Variants in DOCK7 observed in about 807,000 individuals in gnomAD.
The protein encoded by DOCK7 is dedicator of cytokinesis protein 7.
A neutral mutation model predicts 271.0 loss-of-function variants in DOCK7; 138 were observed. That is an observed-to-expected ratio of 0.51 (90% confidence interval 0.44 to 0.59). The LOEUF (loss-of-function observed/expected upper bound fraction) is 0.59. DOCK7 is among the 20% of genes least tolerant of loss of function. The pLI is 0.00. For missense variants in DOCK7, 2,066 were observed against 2,592.4 expected (o/e 0.80, Z 4.41); for synonymous variants, 823 against 876.1 (o/e 0.94, Z 1.07).
rs1222305930 is a variant in DOCK7 at position 62,476,147 on chromosome 1, CG to C, written c.5643del (p.Tyr1881Ter). 6.2e-7 allele frequency: 1 copy of C among 1,611,140 alleles called. No individual in the cohort carries two copies. Among genetic ancestry groups the C allele is most frequent in the Non-Finnish European group, 8.5e-7 (1 of 1,178,878 alleles). ...ACCACATCCTCTCCAAATCTTTCTC[CG>C]TAAAATCCCTACAATAAAGAAAAAG... Reference protein sequence around the residue: ...AEISHRLEGFYGERFGEDVVE... With the variant: ...AEISHRLEGFXGERFGEDVVE... On this transcript the variant is annotated frameshift_variant, in exon 45 of 50. Transcript: ENST00000635253. LOFTEE classifies it high-confidence loss of function.
At chr1:62,663,697 T>C (rs1474895486) in intron 1 of DOCK7, among the ~76,000 whole-genome samples, 1 of 152,194 alleles carries the variant, frequency 6.6e-6, no homozygotes, top group East Asian at 1.9e-4. Context: ...TTTCTCCTGC[T>C]TCTCTTCAAT....
chr1:62,634,739 C>T (rs1655045403), intron 9 of DOCK7, 34 bp downstream of exon 9: 2 of 1,586,822 alleles, frequency 1.3e-6, no homozygotes, highest in Admixed American at 1.8e-5. Context: ...ACAGACACTA[C>T]AAAATAAACA....
At chr1:62,604,293 T>A (rs1208622859) in intron 14 of DOCK7, 52 of 1,588,120 alleles carry the variant, frequency 3.3e-5, no homozygotes, top group Non-Finnish European at 4.2e-5. Flanking sequence ...CTTCCCACAT[T>A]ATTAGCTATT....
chr1:62,538,478 A>C lies in DOCK7; in HGVS notation c.3301-417T>G, dbSNP rs115254218. On this transcript the variant is annotated intron_variant, in intron 27 of 49. Coordinates refer to ENST00000635253, the MANE Select transcript of DOCK7 (RefSeq NM_001367561.1). Reference sequence around the variant, plus strand: ...CATCATAAGCTACTTGAGGAGACATACTATAAACTGATTTAACAGCTTTAG... The same window carrying C: ...CATCATAAGCTACTTGAGGAGACATCCTATAAACTGATTTAACAGCTTTAG... Among the ~76,000 whole-genome samples, 694 of 152,328 alleles carry C rather than the reference A, an allele frequency of 4.6e-3. 6 individuals carry two copies. The highest frequency in any genetic ancestry group is 0.016 in the African/African-American group (671 of 41,580).
At chr1:62,682,075 A>C (rs1005313244) in intron 1 of DOCK7, among the ~76,000 whole-genome samples, 4 of 152,174 alleles carry the variant, frequency 2.6e-5, no homozygotes, top group African/African-American at 9.7e-5. Context: ...GAACAGTTAC[A>C]GAGATGGAAA....
At chr1:62,529,675 T>C (rs1212902393) in intron 29 of DOCK7, among the ~76,000 whole-genome samples, 1 of 152,238 alleles carries the variant, frequency 6.6e-6, no homozygotes, top group African/African-American at 2.4e-5. Context: ...GGAAATGCTA[T>C]ACAAATTCAC....
In DOCK7 at chr1:62,455,304, A is replaced by G. The variant is rs577395735; in HGVS notation, c.*110T>C. 37 of 1,194,678 alleles carry G rather than the reference A, an allele frequency of 3.1e-5. No homozygotes were observed. In the African/African-American group the frequency reaches 3.6e-4, roughly 12 times the overall value. 74.0% of individuals were successfully genotyped at this position (1,194,678 alleles called of 1,614,324 possible). A position where few individuals can be genotyped will look rare whatever the true frequency, so the allele number is the denominator to read the frequency against. On this transcript the variant is annotated 3_prime_UTR_variant, in exon 50 of 50. Transcript: ENST00000635253. ...ATTTTCTTGGCCACTGCATTCTTCA[A>G]TGAATAATAATTTCCAGAATTCCAT...
At chr1:62,678,645 C>T (rs1660785735) in intron 1 of DOCK7, among the ~76,000 whole-genome samples, 1 of 151,988 alleles carries the variant, frequency 6.6e-6, no homozygotes, top group African/African-American at 2.4e-5. Flanking sequence ...TTTGTTTTGT[C>T]TTTGGTAGAT....
At position 62,639,122 on chromosome 1, in the gene DOCK7, T is replaced by C. The variant is rs574300041; in HGVS notation, c.819-2519A>G. 2.6e-4 allele frequency among the ~76,000 whole-genome samples: 39 copies of C among 152,264 alleles called. No individual in the cohort carries two copies. In the South Asian group the frequency reaches 7.1e-3, roughly 28 times the overall value. Reference sequence around the variant, plus strand: ...CCAATACTATACCATCTTAATTACATAGTTTCATACTAGTCTTGATATCTG... The same window carrying C: ...CCAATACTATACCATCTTAATTACACAGTTTCATACTAGTCTTGATATCTG... On this transcript the variant is annotated intron_variant, in intron 7 of 49. Transcript: ENST00000635253.
chr1:62,562,494 C>T (rs1397303059), intron 18 of DOCK7, among the ~76,000 whole-genome samples: 3 of 151,942 alleles, frequency 2.0e-5, no homozygotes, highest in Non-Finnish European at 4.4e-5. Context: ...GGATTACAAG[C>T]GTAAGCCACC....
At chr1:62,667,976 T>C (rs1288652231) in intron 1 of DOCK7, among the ~76,000 whole-genome samples, 1 of 151,928 alleles carries the variant, frequency 6.6e-6, no homozygotes, top group East Asian at 1.9e-4. Context: ...GCCGAGATCA[T>C]GCCACTACAC....
At position 62,632,187 on chromosome 1, in the gene DOCK7, C is replaced by T. The variant is rs75704740; in HGVS notation, c.1117-782G>A. ...GACTCAGGGCTAGAAAAAGATGAAA[C>T]GATAACTAAATGATAGCACTATTAC... On this transcript the variant is annotated intron_variant, in intron 10 of 49. Coordinates refer to ENST00000635253, the MANE Select transcript of DOCK7 (RefSeq NM_001367561.1). Among the ~76,000 whole-genome samples, 1,067 of 152,184 alleles carry T rather than the reference C, an allele frequency of 7.0e-3. 12 individuals are homozygous for T. The highest frequency in any genetic ancestry group is 0.024 in the African/African-American group (1,014 of 41,522).
Position 62,513,520 on chromosome 1 carries a change from C to A in DOCK7, c.4206G>T (p.Gly1402=). The A allele has an allele frequency of 1.9e-6, 3 of 1,614,110 alleles. No homozygotes were observed. The highest frequency in any genetic ancestry group is 2.5e-6 in the Non-Finnish European group (3 of 1,179,998). The change falls in exon 33 of 50, where the codon GGG becomes GGT. Residue 1402 remains glycine, a synonymous_variant. Transcript: ENST00000635253. Reference sequence around the variant, plus strand: ...CCATTTCTTGCCTGGCACCTATGCTCCCAAGAATAGCTTCTTCAAGCTTTG... The same window carrying A: ...CCATTTCTTGCCTGGCACCTATGCTACCAAGAATAGCTTCTTCAAGCTTTG... ...MRAKLEEAIL[G]SIGARQEMVR...
In DOCK7 at chr1:62,679,981, C is replaced by A. The variant is rs61778362; in HGVS notation, c.38+8246G>T. Among the ~76,000 whole-genome samples, 275 of 152,288 alleles carry A rather than the reference C, an allele frequency of 1.8e-3. 1 individual carries two copies. The highest frequency in any genetic ancestry group is 3.2e-3 in the Non-Finnish European group (221 of 68,026). On this transcript the variant is annotated intron_variant, in intron 1 of 49. Coordinates refer to ENST00000635253, the MANE Select transcript of DOCK7 (RefSeq NM_001367561.1). ...TACTGCCCAAGGTAATTTATAGATT[C>A]AATGCCATCCCCATCAAGCTACCAA...
At chr1:62,460,098 CAAAAAAAAAA>C (rs71053316) in intron 48 of DOCK7, among the ~76,000 whole-genome samples, 1 of 66,022 alleles carries the variant, frequency 1.5e-5, no homozygotes, top group African/African-American at 6.2e-5. Flanking sequence ...AGACTCGTCT[CAAAAAAAAAA>C]AAAAAAAAAA....
In DOCK7 at chr1:62,513,743, A is replaced by T. The variant is rs751271623; in HGVS notation, c.4092T>A (p.Tyr1364Ter). The change falls in exon 32 of 50, where the codon TAT (tyrosine) becomes TAA (stop). Residue 1364 changes from tyrosine (Y) to a stop codon, truncating the protein, a stop_gained. Transcript: ENST00000635253. LOFTEE classifies it high-confidence loss of function. ...LQLNRLLDLL[Y>*]LCVSCFEYKG... ...TATACTCAAAGCAAGACACACAGAG[A>T]TAAAGCAGATCTAATAGCCGGTTTA... 1 of 1,614,068 alleles carries T rather than the reference A, an allele frequency of 6.2e-7. No individual in the cohort carries two copies. Among genetic ancestry groups the T allele is most frequent in the African/African-American group, 1.3e-5 (1 of 74,948 alleles).
rs540113750 is a variant in DOCK7, at chr1:62,491,080, T to C, written c.5361+1624A>G. Among the ~76,000 whole-genome samples the C allele has an allele frequency of 2.0e-5, 3 of 152,332 alleles. No individual in the cohort carries two copies. In the South Asian group the frequency reaches 6.2e-4, roughly 32 times the overall value. On this transcript the variant is annotated intron_variant, in intron 41 of 49. Transcript: ENST00000635253. ...ATTCCTATGAGGTAGGTACTATTAC[T>C]AGATGTATTTAATAGATAAGAAAAG...
chr1:62,648,192 T>C lies in DOCK7; in HGVS notation c.646A>G (p.Asn216Asp), dbSNP rs1370433592. ...LLPNLLDRTP[N>D]EEIDRQNDDQ... is the part of the protein sequence containing the mutation. Reference sequence around the variant, plus strand: ...TCATTCTGACGGTCTATTTCTTCATTTGGAGTTCGATCAAGTAAATTGGGA... The same window carrying C: ...TCATTCTGACGGTCTATTTCTTCATCTGGAGTTCGATCAAGTAAATTGGGA... The change falls in exon 6 of 50, where the codon AAT (asparagine) becomes GAT (aspartate). Residue 216 changes from asparagine to aspartate, a missense_variant. This residue lies in a region of DOCK7 where 1,414 missense variants were observed against 1,670.4 expected (regional missense o/e 0.85). Coordinates refer to ENST00000635253, the MANE Select transcript of DOCK7 (RefSeq NM_001367561.1). 1 of 1,613,734 alleles carries C rather than the reference T, an allele frequency of 6.2e-7. No homozygotes were observed. The highest frequency in any genetic ancestry group is 8.5e-7 in the Non-Finnish European group (1 of 1,179,774).
intron 48 of DOCK7, among the ~76,000 whole-genome samples, chr1:62,459,361 C>T (rs1015276231): frequency 9.9e-5 from 15 of 151,806 alleles, no homozygotes; most frequent in Admixed American, 9.9e-4. Flanking sequence ...CGTATTTAGC[C>T]ACCTGAGTAG....
Sources: gnomAD v4.1 joint callset for allele counts (sites outside exome capture counted in the v4.1 genomes callset) on GRCh38, gnomAD v4.1.1 for gene constraint, gnomAD v4.1.1 regional missense constraint, MANE v1.5 for transcripts, NCBI Gene and HGNC (gene_info 2026-07-23, HGNC 2026-07-21) for gene names.